HNF4G: variants seen among roughly 807,000 people sequenced by gnomAD.
The protein encoded by HNF4G is hepatocyte nuclear factor 4 gamma.
HNF4G carries 21 observed loss-of-function variants against 50.9 expected under a neutral mutation model. The observed-to-expected ratio is 0.41, with a 90% CI of 0.29 to 0.59. The LOEUF is 0.59. Among genes scored for constraint, HNF4G ranks in the 20% least tolerant of loss-of-function variants. The pLI is 0.26. For synonymous variants in HNF4G, 198 were observed against 185.6 expected (o/e 1.07, Z -0.54); for missense variants, 527 against 559.4 (o/e 0.94, Z 0.58).
chr8:75,464,875 G>A (rs1239699084), intron 1 of HNF4G, among the ~76,000 whole-genome samples: 1 of 152,194 alleles, frequency 6.6e-6, no homozygotes, highest in Non-Finnish European at 1.5e-5. Context: ...TATGGACAGA[G>A]AATTCACTAA....
At chr8:75,475,999 A>T (rs1319715789) in intron 1 of HNF4G, among the ~76,000 whole-genome samples, 2 of 152,094 alleles carry the variant, frequency 1.3e-5, no homozygotes, top group Non-Finnish European at 2.9e-5. Context: ...TTACATGGAC[A>T]TACTGTGTAA....
At chr8:75,551,271 G>A (rs1806943930) in intron 3 of HNF4G, 117 bp from the exon 4 acceptor site, 3 of 586,242 alleles carry the variant, frequency 5.1e-6, no homozygotes, top group East Asian at 5.7e-5. Flanking sequence ...TTCTTCCAAG[G>A]TCTTTTAGAA....
chr8:75,565,042 T>C lies in HNF4G; in HGVS notation c.*946T>C, dbSNP rs1228666348. The C allele has an allele frequency of 6.6e-6, 1 of 152,096 alleles. No individual in the cohort carries two copies. Among genetic ancestry groups the C allele is most frequent in the African/African-American group, 2.4e-5 (1 of 41,418 alleles). 9.4% of individuals were successfully genotyped at this position (152,096 alleles called of 1,614,324 possible). ...CCTTATTTGGTCCTCACAATAACAC[T>C]TTAGGAGAGATATCATTATCGCTGT... On this transcript the variant is annotated 3_prime_UTR_variant, in exon 10 of 10. Transcript: ENST00000396423.
intron 1 of HNF4G, among the ~76,000 whole-genome samples, chr8:75,543,021 A>T (rs1377611430): frequency 1.3e-5 from 2 of 152,162 alleles, no homozygotes; most frequent in Non-Finnish European, 2.9e-5. Context: ...AGCCTGGCCA[A>T]CATGGTGAAA....
chr8:75,558,815 A>G lies in HNF4G; in HGVS notation c.901A>G (p.Ser301Gly), dbSNP rs142979219. Residue 301 changes from serine (S) to glycine (G), a missense_variant, in exon 8 of 10, where the codon AGC (serine) becomes GGC (glycine). Physicochemically the swap from Ser to Gly is moderately conservative, Grantham distance 56. Transcript: ENST00000396423. ...TCCTTTGTTAGATGCAAAAGGGCTA[A>G]GCGATCCAGTAAAAATTAAGAACAT... ...VFFDPDAKGL[S>G]DPVKIKNMRF... 1.2e-6 allele frequency: 2 copies of G among 1,613,944 alleles called. No homozygotes were observed. Among genetic ancestry groups the G allele is most frequent in the South Asian group, 1.1e-5 (1 of 91,074 alleles).
chr8:75,525,869 T>C (rs1489956805), intron 2 of HNF4G, among the ~76,000 whole-genome samples: 1 of 152,116 alleles, frequency 6.6e-6, no homozygotes, highest in Non-Finnish European at 1.5e-5. Context: ...GAATGAACCT[T>C]AGAGAATGTT....
Position 75,532,861 on chromosome 8 carries a change from A to T in HNF4G, c.-23-10950A>T, listed in dbSNP as rs1026345258. ...TAAATTTGTTCTGTTGCAGAAGTCT[A>T]AATGTGTAGGATAATAACTCTATTT... On this transcript the variant is annotated intron_variant, in intron 2 of 10. Transcript: ENST00000354370. 1.3e-5 allele frequency among the ~76,000 whole-genome samples: 2 copies of T among 152,026 alleles called. 1 individual carries two copies. The highest frequency in any genetic ancestry group is 3.9e-4 in the East Asian group (2 of 5,178).
chr8:75,490,790 CA>C (rs1812610597), intron 2 of HNF4G, among the ~76,000 whole-genome samples: 1 of 152,094 alleles, frequency 6.6e-6, no homozygotes, highest in Non-Finnish European at 1.5e-5. Flanking sequence ...GTCCAGTAAA[CA>C]AAACAATTTG....
chr8:75,518,651 A>G (rs1303391818), intron 2 of HNF4G, among the ~76,000 whole-genome samples: 2 of 152,106 alleles, frequency 1.3e-5, no homozygotes, highest in South Asian at 2.1e-4. Context: ...CCTGAGCTCT[A>G]TGTTGGCCAC....
At chr8:75,408,962 A>G (rs531915338) in intron 1 of HNF4G, among the ~76,000 whole-genome samples, 2 of 152,194 alleles carry the variant, frequency 1.3e-5, no homozygotes, top group East Asian at 3.9e-4. Context: ...AGAAGCGGTT[A>G]TTTGTCATTA....
At chr8:75,540,477 A>G (rs938841629) in intron 1 of HNF4G, among the ~76,000 whole-genome samples, 1 of 152,164 alleles carries the variant, frequency 6.6e-6, no homozygotes, top group Admixed American at 6.5e-5. Flanking sequence ...TCCATAGAAC[A>G]TTAGGGAGTT....
At chr8:75,529,170 A>G (rs2130762442) in intron 2 of HNF4G, among the ~76,000 whole-genome samples, 1 of 152,240 alleles carries the variant, frequency 6.6e-6, no homozygotes, top group East Asian at 1.9e-4. Context: ...GGGCGCCTGT[A>G]GTCCCAGCTA....
At chr8:75,503,608 T>A (rs1407404645) in intron 2 of HNF4G, among the ~76,000 whole-genome samples, 2 of 152,198 alleles carry the variant, frequency 1.3e-5, no homozygotes, top group Non-Finnish European at 2.9e-5. Flanking sequence ...TACTGAAGTT[T>A]GAGGTTTGTT....
intron 9 of HNF4G, among the ~76,000 whole-genome samples, chr8:75,561,991 T>G (rs975015217): frequency 1.3e-5 from 2 of 152,208 alleles, no homozygotes; most frequent in African/African-American, 4.8e-5. Context: ...CTCTAATTAA[T>G]CCCAGATTTA....
At chr8:75,442,707 A>G (rs1401994860) in intron 1 of HNF4G, among the ~76,000 whole-genome samples, 2 of 152,196 alleles carry the variant, frequency 1.3e-5, no homozygotes, top group Admixed American at 1.3e-4. Context: ...ATACCCATAA[A>G]TATTTCCTAA....
At chr8:75,464,155 A>G (rs760635215) in intron 1 of HNF4G, among the ~76,000 whole-genome samples, 1 of 152,110 alleles carries the variant, frequency 6.6e-6, no homozygotes, top group Non-Finnish European at 1.5e-5. Flanking sequence ...ATAGTGTACT[A>G]TGTTCTTTGA....
At chr8:75,561,842 T>C (rs374153126) in intron 9 of HNF4G, among the ~76,000 whole-genome samples, 7 of 152,206 alleles carry the variant, frequency 4.6e-5, no homozygotes, top group African/African-American at 1.7e-4. Flanking sequence ...ATAAATACTA[T>C]AGAGATTGTT....
At chr8:75,534,893 T>A (rs1186191250), upstream of HNF4G, among the ~76,000 whole-genome samples, 3 of 151,782 alleles carry the variant, frequency 2.0e-5, no homozygotes, top group Non-Finnish European at 4.4e-5. Context: ...TAAGCAAAGC[T>A]ATAGAAGTTC....
At chr8:75,498,831 A>G (rs941275521) in intron 2 of HNF4G, among the ~76,000 whole-genome samples, 1 of 152,128 alleles carries the variant, frequency 6.6e-6, no homozygotes, top group African/African-American at 2.4e-5. Context: ...AAAGCATTTT[A>G]CAAAATACAA....
Sources: gnomAD v4.1 joint callset for allele counts (sites outside exome capture counted in the v4.1 genomes callset) on GRCh38, gnomAD v4.1.1 for gene constraint, MANE v1.5 for transcripts, NCBI Gene and HGNC (gene_info 2026-07-23, HGNC 2026-07-21) for gene names.